The following CRYL1 variants were observed in gnomAD, a reference collection of about 807,000 sequenced individuals.
The protein encoded by CRYL1 is lambda-crystallin homolog.
In CRYL1, 29 loss-of-function variants were observed where a neutral mutation model predicts 36.6. The ratio of observed to expected loss-of-function variants is 0.79; its 90% CI spans 0.59 to 1.08. The LOEUF (loss-of-function observed/expected upper bound fraction) is 1.08, where lower values mean the gene tolerates loss of function less well. Among genes scored for constraint, CRYL1 ranks in the 50% least tolerant of loss-of-function variants. CRYL1 has a pLI of 0.00. For missense variants in CRYL1, 411 were observed against 407.9 expected (o/e 1.01, Z -0.06); for synonymous variants, 152 against 151.5 (o/e 1.00, Z -0.02).
chr13:20,430,738 A>G, intron 5 of CRYL1: 1 of 985,406 alleles, frequency 1.0e-6, no homozygotes, highest in African/African-American at 1.7e-5. Flanking sequence ...AAAATATCTT[A>G]CAAATAAAAA....
chr13:20,430,248 T>C, intron 5 of CRYL1: 1 of 984,948 alleles, frequency 1.0e-6, no homozygotes, highest in Admixed American at 6.1e-5. Flanking sequence ...TTACTCACAT[T>C]TTCTTAATTT....
Position 20,413,401 on chromosome 13 carries a change from T to C in CRYL1, c.634-14A>G, listed in dbSNP as rs1200187888. The C allele has an allele frequency of 2.6e-6, 4 of 1,546,446 alleles. No individual in the cohort carries two copies. Among genetic ancestry groups the C allele is most frequent in the South Asian group, 2.3e-5 (2 of 88,550 alleles). ...CACGATTCCTTCCTACGTGGAGAAA[T>C]TGGGCGGCATAGATGAGTTTTGTAA... On this transcript the variant is annotated splice_polypyrimidine_tract_variant and intron_variant, in intron 5 of 7. Coordinates refer to ENST00000298248, the MANE Select transcript of CRYL1 (RefSeq NM_015974.3).
intron 2 of CRYL1, among the ~76,000 whole-genome samples, chr13:20,509,509 G>A (rs977350949): frequency 4.6e-5 from 7 of 152,054 alleles, no homozygotes; most frequent in African/African-American, 1.7e-4. Flanking sequence ...AAATTTTAAG[G>A]CTTCCCCTTT....
At chr13:20,410,443 T>C (rs2031489540) in intron 6 of CRYL1, among the ~76,000 whole-genome samples, 1 of 146,622 alleles carries the variant, frequency 6.8e-6, no homozygotes, top group Non-Finnish European at 1.5e-5. Flanking sequence ...AGATGACGAG[T>C]TAGTGGGTGC....
chr13:20,501,610 C>T (rs1455091455), intron 2 of CRYL1, among the ~76,000 whole-genome samples: 1 of 152,210 alleles, frequency 6.6e-6, no homozygotes, highest in Non-Finnish European at 1.5e-5. Context: ...ATGGGGCAGA[C>T]ATGGAAGATC....
At chr13:20,486,288 G>T (rs2033398312) in intron 3 of CRYL1, among the ~76,000 whole-genome samples, 1 of 152,206 alleles carries the variant, frequency 6.6e-6, no homozygotes, top group African/African-American at 2.4e-5. Flanking sequence ...TAAGCACTGT[G>T]TATTACTCAA....
At chr13:20,473,072 G>C (rs549983797) in intron 3 of CRYL1, 2 of 152,356 alleles carry the variant, frequency 1.3e-5, no homozygotes, top group South Asian at 4.1e-4. Flanking sequence ...TCGAGTGCCC[G>C]TACTGCTCAG....
chr13:20,525,759 A>T lies in CRYL1; in HGVS notation c.36T>A (p.Val12=). 7.5e-7 allele frequency: 1 copy of T among 1,324,554 alleles called. No homozygotes were observed. Among genetic ancestry groups the T allele is most frequent in the Non-Finnish European group, 9.7e-7 (1 of 1,035,066 alleles). The allele number at this position is 1,324,554 out of a possible 1,614,324, so 82.1% of individuals were successfully genotyped here. The change falls in exon 1 of 8, where the codon GTT becomes GTA. Residue 12 remains valine, a synonymous_variant. Transcript: ENST00000298248. The surrounding 1 kb of genome is among the most constrained non-coding windows in gnomAD (Gnocchi z 4.3). ...ASSAAGCVVI[V]GSGVIGRSWA... ...CGCGGCTCGGAGCCCTTTACCTGCC[A>T]ACGATCACCACGCAGCCGGCCGCGG...
chr13:20,520,433 C>T (rs548475759), intron 1 of CRYL1, among the ~76,000 whole-genome samples: 10 of 152,288 alleles, frequency 6.6e-5, no homozygotes, highest in South Asian at 2.1e-4. Context: ...GGTCTTACCC[C>T]GCTGCTGTTG....
intron 2 of CRYL1, among the ~76,000 whole-genome samples, chr13:20,510,057 G>C (rs2033885581): frequency 6.6e-6 from 1 of 152,206 alleles, no homozygotes; most frequent in Non-Finnish European, 1.5e-5. Context: ...CTTCATTGTT[G>C]GTGGGAATGC....
At chr13:20,472,265 G>A (rs1380093308) in intron 3 of CRYL1, among the ~76,000 whole-genome samples, 1 of 152,106 alleles carries the variant, frequency 6.6e-6, no homozygotes, top group Non-Finnish European at 1.5e-5. Context: ...ACCTTATACA[G>A]TGTAAATGCT....
intron 5 of CRYL1, chr13:20,430,125 C>T (rs971482499): frequency 1.4e-5 from 13 of 899,144 alleles, no homozygotes; most frequent in Non-Finnish European, 1.5e-5. Context: ...CCACCCCTGC[C>T]AGGAGAGGAC....
Position 20,431,538 on chromosome 13 carries a change from C to T in CRYL1, c.633+564G>A, listed in dbSNP as rs2032059612. On this transcript the variant is annotated intron_variant, in intron 5 of 7. Coordinates refer to ENST00000298248, the MANE Select transcript of CRYL1 (RefSeq NM_015974.3). ...CCTCATGCAAATGTACACGAGAATG[C>T]GTGCAGCCAGGCCATTTCTTCACCT... 15 of 1,005,348 alleles carry T rather than the reference C, an allele frequency of 1.5e-5. No homozygotes were observed. The South Asian group carries it at 5.9e-4, about 39-fold the overall frequency. The allele number at this position is 1,005,348 out of a possible 1,614,324, so 62.3% of individuals were successfully genotyped here.
chr13:20,496,844 C>CAAA (rs33925139), intron 2 of CRYL1, among the ~76,000 whole-genome samples: 4,832 of 120,162 alleles, frequency 0.04, 352 homozygotes, highest in African/African-American at 0.1. Flanking sequence ...GACCCCGTCT[C>CAAA]AAAAAAAAAA....
chr13:20,427,222 GT>G (rs1212481759), intron 5 of CRYL1: 1 of 985,286 alleles, frequency 1.0e-6, no homozygotes, highest in African/African-American at 1.7e-5. Context: ...GGCAGGGGAA[GT>G]AAGTGTCAGT....
chr13:20,460,511 CTTTTTTTTTTTTTTTTTTT>C (rs71074302), intron 3 of CRYL1, among the ~76,000 whole-genome samples: 2 of 70,270 alleles, frequency 2.8e-5, no homozygotes, highest in Non-Finnish European at 5.0e-5. Context: ...TAGGCAGCTG[CTTTTTTTTTTTTTTTTTTT>C]TTTTTTTTTT....
chr13:20,525,693 C>G lies in CRYL1; in HGVS notation c.41+61G>C. The G allele has an allele frequency of 3.9e-6, 5 of 1,296,082 alleles. No homozygotes were observed. Among genetic ancestry groups the G allele is most frequent in the Non-Finnish European group, 4.9e-6 (5 of 1,011,516 alleles). The allele number at this position is 1,296,082 out of a possible 1,614,324, so 80.3% of individuals were successfully genotyped here. ...CCACCCCGAGGGCCCCACGCGAGGGCACCACGTCCCCGGCGTCTCCCCGGG... is the reference window on the plus strand; with the variant it reads ...CCACCCCGAGGGCCCCACGCGAGGGGACCACGTCCCCGGCGTCTCCCCGGG... On this transcript the variant is annotated intron_variant, in intron 1 of 7. Transcript: ENST00000298248. This position sits in a 1 kb window ranked among gnomAD's most constrained non-coding sequence, Gnocchi z 4.3.
chr13:20,489,041 A>T (rs1220371166), intron 3 of CRYL1, among the ~76,000 whole-genome samples: 1 of 152,246 alleles, frequency 6.6e-6, no homozygotes, highest in Non-Finnish European at 1.5e-5. Flanking sequence ...TGATAAAACA[A>T]AATAAAATAG....
intron 5 of CRYL1, among the ~76,000 whole-genome samples, chr13:20,418,212 C>T (rs2031717791): frequency 6.6e-6 from 1 of 152,174 alleles, no homozygotes; most frequent in Non-Finnish European, 1.5e-5. Context: ...AACATCTAGA[C>T]TGAGTTTGAC....
Sources: allele counts gnomAD v4.1 joint callset (sites outside exome capture counted in the v4.1 genomes callset), GRCh38; gene constraint gnomAD v4.1.1; non-coding constraint Gnocchi (gnomAD v3.1); transcripts MANE v1.5; gene names NCBI Gene and HGNC (gene_info 2026-07-23, HGNC 2026-07-21).